ZNF668: variants seen among roughly 807,000 people sequenced by gnomAD.
ZNF668 encodes zinc finger protein 668.
In ZNF668, 10 loss-of-function variants were observed where a neutral mutation model predicts 40.3. The ratio of observed to expected loss-of-function variants is 0.25; its 90% CI spans 0.15 to 0.42. ZNF668 has a LOEUF of 0.42. ZNF668 is among the 10% of genes least tolerant of loss of function. The pLI is 1.00. For synonymous variants in ZNF668, 428 were observed against 384.6 expected, an observed-to-expected ratio of 1.11 and a Z score of -1.32; for missense variants, 749 against 904.6, an observed-to-expected ratio of 0.83 and a Z score of 2.21.
At chr16:31,068,414 G>A (rs1175162452) in intron 1 of ZNF668, among the ~76,000 whole-genome samples, 1 of 150,324 alleles carries the variant, frequency 6.7e-6, no homozygotes, top group East Asian at 2.0e-4. Flanking sequence ...AGTAGAGACG[G>A]GGTTTCACTG....
At position 31,065,749 on chromosome 16, in the gene ZNF668, G is replaced by T. The variant is rs543093631; in HGVS notation, c.-22-1268C>A. 1.9e-3 allele frequency among the ~76,000 whole-genome samples: 291 copies of T among 152,134 alleles called. 2 individuals carry two copies. Among genetic ancestry groups the T allele is most frequent in the Middle Eastern group, 3.4e-3 (1 of 294 alleles). On this transcript the variant is annotated intron_variant, in intron 1 of 2. Coordinates refer to ENST00000300849, the MANE Select transcript of ZNF668 (RefSeq NM_024706.5). ...GGCGCCTGTAGTCCCAGCTACTCGG[G>T]AGGCTGAGGCAGGAGAATGGTGTGA...
rs1241643874 is a variant in ZNF668, at chr16:31,061,910, G to A, written c.1018C>T (p.Gln340Ter). ...HTGDRPFKCL[Q>*]CDKTFVASWD... ...GACGCCACGAACGTCTTGTCACATT[G>A]CAGGCACTTGAACGGCCGGTCGCCT... Residue 340 changes from glutamine (Q) to a stop codon, truncating the protein, a stop_gained, in exon 3 of 3, where the codon CAA becomes TAA. Coordinates refer to ENST00000300849, the MANE Select transcript of ZNF668 (RefSeq NM_024706.5). LOFTEE classifies it high-confidence loss of function. This position sits in a 1 kb window ranked among gnomAD's most constrained non-coding sequence, Gnocchi z 7.7. 1 of 1,613,298 alleles carries A rather than the reference G, an allele frequency of 6.2e-7. No homozygotes were observed. The highest frequency in any genetic ancestry group is 8.5e-7 in the Non-Finnish European group (1 of 1,179,680).
intron 1 of ZNF668, chr16:31,072,761 GAC>G (rs1158347251): frequency 6.6e-6 from 1 of 152,404 alleles, no homozygotes; most frequent in African/African-American, 2.4e-5. Context: ...CAGCTCCAGC[GAC>G]AGAGTCCTCC....
At chr16:31,066,968 C>T (rs2056985314) in intron 1 of ZNF668, among the ~76,000 whole-genome samples, 1 of 151,616 alleles carries the variant, frequency 6.6e-6, no homozygotes, top group Non-Finnish European at 1.5e-5. Flanking sequence ...ATCGCTTGAG[C>T]CCAGGAGTTC....
At position 31,061,312 on chromosome 16, in the gene ZNF668, G is replaced by A. The variant is rs2056921411; in HGVS notation, c.1616C>T (p.Pro539Leu). 3 of 1,586,542 alleles carry A rather than the reference G, an allele frequency of 1.9e-6. No homozygotes were observed. Among genetic ancestry groups the A allele is most frequent in the Non-Finnish European group, 2.6e-6 (3 of 1,165,188 alleles). The change falls in exon 3 of 3, where the codon CCG becomes CTG. Residue 539 changes from proline to leucine, a missense_variant. Physicochemically the swap from Pro to Leu is moderately conservative, Grantham distance 98. This residue lies in a region of ZNF668 where 310 missense variants were observed against 355.1 expected (regional missense o/e 0.87). Coordinates refer to ENST00000300849, the MANE Select transcript of ZNF668 (RefSeq NM_024706.5). The surrounding 1 kb of genome is among the most constrained non-coding windows in gnomAD (Gnocchi z 7.7). The part of the protein sequence containing the change: ...TLLRRHERSH[P>L]ELRPFPCTQC... ...GGTGCAGGGGAAGGGCCGGAGCTCC[G>A]GGTGTGAGCGCTCGTGCCGACGCAG...
In ZNF668 at chr16:31,061,268, A is replaced by C; in HGVS notation, c.1660T>G (p.Ser554Ala). The C allele has an allele frequency of 1.3e-6, 2 of 1,553,344 alleles. No homozygotes were observed. Among genetic ancestry groups the C allele is most frequent in the Non-Finnish European group, 1.7e-6 (2 of 1,149,702 alleles). Residue 554 changes from serine (S) to alanine (A), a missense_variant, in exon 3 of 3, where the codon TCT becomes GCT. Physicochemically the swap from Ser to Ala is moderately conservative, Grantham distance 99. This residue lies in a region of ZNF668 where 310 missense variants were observed against 355.1 expected (regional missense o/e 0.87). Coordinates refer to ENST00000300849, the MANE Select transcript of ZNF668 (RefSeq NM_024706.5). This position sits in a 1 kb window ranked among gnomAD's most constrained non-coding sequence, Gnocchi z 7.7. ...TGTTTGCGCAGCCCAGCCCGGTCAGAGAAGCTCTTGCCGCACTGGGTGCAG... is the reference window on the plus strand; with the variant it reads ...TGTTTGCGCAGCCCAGCCCGGTCAGCGAAGCTCTTGCCGCACTGGGTGCAG... ...FPCTQCGKSFSDRAGLRKHSR... is the reference protein window; with the variant it reads ...FPCTQCGKSFADRAGLRKHSR...
Position 31,064,264 on chromosome 16 carries a change from C to A in ZNF668, c.196G>T (p.Ala66Ser), listed in dbSNP as rs1429688220. ...ACCTTCTCCCCACTGGCTTCCTCTG[C>A]CTTAGCTTCTGTCTCTGGCTTTGGC... is the stretch of plus-strand genomic sequence containing the variant. ...VKPKPETEAK[A>S]EEASGEKVSG... Residue 66 changes from alanine (A) to serine (S), a missense_variant, in exon 2 of 3, where the codon GCA becomes TCA. This residue lies in a region of ZNF668 where 159 missense variants were observed against 139.8 expected (regional missense o/e 1.14). Coordinates refer to ENST00000300849, the MANE Select transcript of ZNF668 (RefSeq NM_024706.5). The A allele has an allele frequency of 2.5e-6, 4 of 1,613,760 alleles. No individual in the cohort carries two copies. Among genetic ancestry groups the A allele is most frequent in the Non-Finnish European group, 2.5e-6 (3 of 1,180,020 alleles).
chr16:31,067,006 C>T (rs1008598061), intron 1 of ZNF668, among the ~76,000 whole-genome samples: 1 of 151,950 alleles, frequency 6.6e-6, no homozygotes, highest in African/African-American at 2.4e-5. Flanking sequence ...TCCCTTGAGC[C>T]CAGGAGTTCA....
At position 31,061,530 on chromosome 16, in the gene ZNF668, T is replaced by C. The variant is rs2056924812; in HGVS notation, c.1398A>G (p.Ser466=). The C allele has an allele frequency of 6.2e-7, 1 of 1,611,722 alleles. No individual in the cohort carries two copies. The highest frequency in any genetic ancestry group is 1.1e-5 in the South Asian group (1 of 91,084). ...GCCACTGTGTGGCCATCACACCACC[T>C]GACTCCGGGGGCAGCCCTAGCAGCC... ...PAGLLGLPPE[S]GGVMATQWQV... is the part of the protein sequence containing the mutation. The change falls in exon 3 of 3, where the codon TCA becomes TCG. Residue 466 remains serine, a synonymous_variant. Coordinates refer to ENST00000300849, the MANE Select transcript of ZNF668 (RefSeq NM_024706.5). This position sits in a 1 kb window ranked among gnomAD's most constrained non-coding sequence, Gnocchi z 7.7.
chr16:31,068,324 G>A (rs990009133), intron 1 of ZNF668, among the ~76,000 whole-genome samples: 3 of 146,272 alleles, frequency 2.1e-5, no homozygotes, highest in African/African-American at 5.0e-5. Flanking sequence ...GCGCGATCTT[G>A]GTTCACTGCA....
chr16:31,066,641 GC>G (rs2056983267), intron 1 of ZNF668, among the ~76,000 whole-genome samples: 1 of 152,096 alleles, frequency 6.6e-6, no homozygotes, highest in South Asian at 2.1e-4. Context: ...GACTGCTTGA[GC>G]CCAGGAGTTC....
Position 31,064,175 on chromosome 16 carries a change from C to T in ZNF668, c.285G>A (p.Thr95=), listed in dbSNP as rs760468531. ...ACPLCPKAYK[T]APELRSHGRS... is the part of the protein sequence containing the mutation. ...GCCCGTGGCTGCGCAGCTCGGGTGC[C>T]GTCTTGTAGGCCTTGGGGCATAGCG... The change falls in exon 2 of 3, where the codon ACG becomes ACA. Residue 95 remains threonine, a synonymous_variant. Coordinates refer to ENST00000300849, the MANE Select transcript of ZNF668 (RefSeq NM_024706.5). 1.9e-5 allele frequency: 31 copies of T among 1,611,016 alleles called. No homozygotes were observed. Among genetic ancestry groups the T allele is most frequent in the Non-Finnish European group, 2.4e-5 (28 of 1,179,798 alleles).
chr16:31,068,251 T>C (rs866388823), intron 1 of ZNF668, among the ~76,000 whole-genome samples: 1 of 85,058 alleles, frequency 1.2e-5, no homozygotes, highest in Non-Finnish European at 2.5e-5. Flanking sequence ...TATATATATA[T>C]ATATATATAT....
Position 31,064,421 on chromosome 16 carries a change from G to C in ZNF668, c.39C>G (p.Pro13=), listed in dbSNP as rs1009272364. 1.2e-6 allele frequency: 2 copies of C among 1,612,442 alleles called. No homozygotes were observed. The highest frequency in any genetic ancestry group is 2.2e-5 in the East Asian group (1 of 44,882). The stretch of plus-strand genomic sequence containing the variant: ...AGCGGCGGCCCGAGCGCTTGTAGCC[G>C]GGGGCTGGGGACCGGGCCTCTGCAG... ...VEAAEARSPA[P]GYKRSGRRYK... Residue 13 remains proline, a synonymous_variant, in exon 2 of 3, where the codon CCC becomes CCG. Coordinates refer to ENST00000300849, the MANE Select transcript of ZNF668 (RefSeq NM_024706.5).
intron 1 of ZNF668, among the ~76,000 whole-genome samples, chr16:31,066,642 C>G (rs1410284171): frequency 6.6e-6 from 1 of 152,010 alleles, no homozygotes; most frequent in Non-Finnish European, 1.5e-5. Context: ...ACTGCTTGAG[C>G]CCAGGAGTTC....
chr16:31,069,924 G>A (rs1421155879), intron 1 of ZNF668, among the ~76,000 whole-genome samples: 6 of 151,580 alleles, frequency 4.0e-5, no homozygotes, highest in Admixed American at 1.3e-4. Context: ...ACAGGTGCCC[G>A]CCACCACGCC....
chr16:31,071,465 C>G (rs2057015409), intron 1 of ZNF668, among the ~76,000 whole-genome samples: 1 of 152,002 alleles, frequency 6.6e-6, no homozygotes, highest in African/African-American at 2.4e-5. Flanking sequence ...CCGTGCCTGG[C>G]CTTTATTTTT....
At chr16:31,072,542 A>G (rs568563047) in intron 1 of ZNF668, among the ~76,000 whole-genome samples, 1 of 152,376 alleles carries the variant, frequency 6.6e-6, no homozygotes, top group East Asian at 1.9e-4. Flanking sequence ...TCAATTTCCA[A>G]AAATCCTAGG....
At chr16:31,066,284 C>G (rs1173348511) in intron 1 of ZNF668, 1 of 985,356 alleles carries the variant, frequency 1.0e-6, no homozygotes, top group East Asian at 1.1e-4. Flanking sequence ...ACAAGTCCTT[C>G]ACTGGAGCCC....
Sources: gnomAD v4.1 joint callset for allele counts (sites outside exome capture counted in the v4.1 genomes callset) on GRCh38, gnomAD v4.1.1 for gene constraint, gnomAD v4.1.1 regional missense constraint, Gnocchi (gnomAD v3.1) non-coding constraint, MANE v1.5 for transcripts, NCBI Gene and HGNC (gene_info 2026-07-23, HGNC 2026-07-21) for gene names.